The following MALRD1 variants were observed in gnomAD, a reference collection of about 807,000 sequenced individuals.
MALRD1 encodes the protein MAM and LDL receptor class A domain containing 1, also known as MAM and LDL-receptor class A domain-containing protein 1.
MALRD1 carries 247 observed loss-of-function variants against 242.1 expected under a neutral mutation model. That is an observed-to-expected ratio of 1.02 (90% CI 0.92 to 1.13). The LOEUF (loss-of-function observed/expected upper bound fraction) is 1.13, where lower values mean the gene tolerates loss of function less well. Among genes scored for constraint, MALRD1 ranks in the 50% most tolerant of loss-of-function variants. The pLI, the probability that MALRD1 is intolerant of heterozygous loss-of-function variation, is 0.00. For synonymous variants in MALRD1, 995 were observed against 866.6 expected (o/e 1.15, Z -2.60); for missense variants, 2,989 against 2,533.1 (o/e 1.18, Z -3.86).
intron 36 of MALRD1, among the ~76,000 whole-genome samples, chr10:19,659,083 G>C (rs1220031643): frequency 6.6e-6 from 1 of 152,118 alleles, no homozygotes; most frequent in Non-Finnish European, 1.5e-5. Flanking sequence ...TTAGCCATCA[G>C]GGTTATTTTA....
chr10:19,294,393 A>G (rs1372532185), intron 21 of MALRD1, among the ~76,000 whole-genome samples: 1 of 152,188 alleles, frequency 6.6e-6, no homozygotes, highest in African/African-American at 2.4e-5. Flanking sequence ...TTTTTATGAC[A>G]TCAGTATGCT....
At chr10:19,445,181 G>T (rs1564346521) in intron 28 of MALRD1, among the ~76,000 whole-genome samples, 2 of 152,082 alleles carry the variant, frequency 1.3e-5, no homozygotes, top group African/African-American at 4.8e-5. Context: ...TCTTATTTAT[G>T]CTGTTTTTTC....
chr10:19,726,043 A>G lies in MALRD1; in HGVS notation c.6315-4663A>G, dbSNP rs560509644. 2.0e-5 allele frequency among the ~76,000 whole-genome samples: 3 copies of G among 152,318 alleles called. No individual in the cohort carries two copies. The East Asian group carries it at 5.8e-4, about 29-fold the overall frequency. On this transcript the variant is annotated intron_variant, in intron 38 of 39. Transcript: ENST00000454679. ...TTCATGATCTTGGATTTGGAAATTG[A>G]TTCTTTCTTAAATATGACACCAAAA...
At chr10:19,146,472 A>G (rs565747483) in intron 11 of MALRD1, 128 bp downstream of exon 11, 1 of 766,898 alleles carries the variant, frequency 1.3e-6, no homozygotes, top group South Asian at 6.9e-5. Flanking sequence ...TTGCTTTAAA[A>G]CCTCCTGACC....
chr10:19,434,671 A>T (rs896913207), intron 28 of MALRD1, among the ~76,000 whole-genome samples: 1 of 151,928 alleles, frequency 6.6e-6, no homozygotes, highest in Non-Finnish European at 1.5e-5. Context: ...TATTGTAACT[A>T]TGGAGGATTT....
At chr10:19,712,012 G>T (rs1042736265) in intron 38 of MALRD1, among the ~76,000 whole-genome samples, 2 of 152,182 alleles carry the variant, frequency 1.3e-5, no homozygotes, top group Non-Finnish European at 2.9e-5. Flanking sequence ...TCATTTTCCA[G>T]ATCCAGTGGT....
intron 36 of MALRD1, among the ~76,000 whole-genome samples, chr10:19,642,286 G>A (rs1391565870): frequency 6.6e-6 from 1 of 152,084 alleles, no homozygotes; most frequent in Non-Finnish European, 1.5e-5. Flanking sequence ...GTGATCTCAA[G>A]AATTAGCAAA....
chr10:19,165,917 C>A, intron 13 of MALRD1, 107 bp downstream of exon 13: 1 of 806,864 alleles, frequency 1.2e-6, no homozygotes, highest in Non-Finnish European at 1.7e-6. Context: ...CAGGTGAGCA[C>A]ATATGAAATT....
intron 31 of MALRD1, among the ~76,000 whole-genome samples, chr10:19,509,451 A>G (rs1409846929): frequency 6.6e-6 from 1 of 152,098 alleles, no homozygotes; most frequent in Non-Finnish European, 1.5e-5. Context: ...TTATCTAGGA[A>G]CTCAAAGTAC....
rs1168711441 is a variant in MALRD1, at chr10:19,376,546, T to A, written c.4442-10982T>A. Among the ~76,000 whole-genome samples the A allele has an allele frequency of 6.3e-5, 6 of 95,616 alleles. 1 individual carries two copies. Among genetic ancestry groups the A allele is most frequent in the Admixed American group, 9.4e-5 (1 of 10,590 alleles). The allele number at this position is 95,616 out of a possible 152,430, so 62.7% of individuals were successfully genotyped here. The stretch of plus-strand genomic sequence containing the variant: ...AAGTCAAGGAGTTGATACATTCTTT[T>A]TTTTTTTTTTTTTTTTTTTTTTTTG... On this transcript the variant is annotated intron_variant, in intron 26 of 39. Coordinates refer to ENST00000454679, the MANE Select transcript of MALRD1 (RefSeq NM_001142308.3).
At chr10:19,582,349 G>GT (rs1363177298) in intron 33 of MALRD1, among the ~76,000 whole-genome samples, 2 of 149,130 alleles carry the variant, frequency 1.3e-5, no homozygotes, top group Non-Finnish European at 3.0e-5. Flanking sequence ...GGTTTTTATG[G>GT]TTTTAGGTCT....
At chr10:19,220,733 A>G (rs1837522465) in intron 18 of MALRD1, among the ~76,000 whole-genome samples, 2 of 152,062 alleles carry the variant, frequency 1.3e-5, no homozygotes, top group Non-Finnish European at 2.9e-5. Flanking sequence ...GTTTTCTTAC[A>G]CCTGTTTTCC....
chr10:19,395,335 A>C (rs891607285), intron 28 of MALRD1, among the ~76,000 whole-genome samples: 2 of 152,186 alleles, frequency 1.3e-5, no homozygotes, highest in Non-Finnish European at 2.9e-5. Flanking sequence ...TTAGGTAGAC[A>C]TGAGACATCA....
In MALRD1 at chr10:19,463,463, A is replaced by G. The variant is rs181338762; in HGVS notation, c.5029+12973A>G. ...ATAGGATGTTTGGTTTCCATTCCCA[A>G]GTTAGTTTACTTAGAATAACAGTCT... On this transcript the variant is annotated intron_variant, in intron 29 of 39. Transcript: ENST00000454679. Among the ~76,000 whole-genome samples the G allele has an allele frequency of 1.7e-3, 261 of 152,112 alleles. 2 individuals are homozygous for G. Among genetic ancestry groups the G allele is most frequent in the African/African-American group, 5.9e-3 (243 of 41,448 alleles).
At chr10:19,171,829 C>T (rs1834983003) in intron 13 of MALRD1, among the ~76,000 whole-genome samples, 2 of 141,184 alleles carry the variant, frequency 1.4e-5, no homozygotes, top group South Asian at 4.4e-4. Context: ...TATATATATA[C>T]ATATATACAC....
At chr10:19,605,529 C>T (rs1838573901) in intron 34 of MALRD1, among the ~76,000 whole-genome samples, 1 of 148,232 alleles carries the variant, frequency 6.7e-6, no homozygotes, top group Non-Finnish European at 1.5e-5. Flanking sequence ...CTTCCTTATC[C>T]AACCTCCCTA....
intron 33 of MALRD1, among the ~76,000 whole-genome samples, chr10:19,582,004 G>T (rs1320078665): frequency 2.6e-5 from 4 of 152,168 alleles, no homozygotes; most frequent in African/African-American, 7.2e-5. Flanking sequence ...GTGTTTTTTG[G>T]CTGCATAAAT....
At chr10:19,692,408 C>A (rs772295320) in intron 37 of MALRD1, 47 bp downstream of exon 37, 1 of 1,531,292 alleles carries the variant, frequency 6.5e-7, no homozygotes, top group South Asian at 1.2e-5. Flanking sequence ...GGGGTGGTCT[C>A]TAATATATTT....
chr10:19,124,823 C>T (rs1414431623), intron 7 of MALRD1, among the ~76,000 whole-genome samples, 153 bp downstream of exon 7: 2 of 148,586 alleles, frequency 1.3e-5, no homozygotes, highest in Non-Finnish European at 3.0e-5. Flanking sequence ...GTGAAAATAA[C>T]AATTATGTTT....
Sources: allele counts gnomAD v4.1 joint callset (sites outside exome capture counted in the v4.1 genomes callset), GRCh38; gene constraint gnomAD v4.1.1; transcripts MANE v1.5; gene names NCBI Gene and HGNC (gene_info 2026-07-23, HGNC 2026-07-21).